The following NDUFAF2 variants were observed in gnomAD, a reference collection of about 807,000 sequenced individuals.
NDUFAF2 encodes the protein NADH dehydrogenase [ubiquinone] 1 alpha subcomplex assembly factor 2.
Under a neutral mutation model 22.8 loss-of-function variants are expected in NDUFAF2, and 13 were observed. The ratio of observed to expected loss-of-function variants is 0.57; its 90% CI spans 0.37 to 0.91. The LOEUF is 0.91. NDUFAF2 is among the 40% of genes least tolerant of loss of function. The probability of loss-of-function intolerance (pLI) is 0.01; values close to 1 mark genes in which losing one functional copy is unlikely to be tolerated. For synonymous variants in NDUFAF2, 53 were observed against 64.2 expected (o/e 0.83, Z 0.84); for missense variants, 162 against 195.2 (o/e 0.83, Z 1.01).
chr5:61,114,889 TCAAA>T (rs1752891908), intron 3 of NDUFAF2: 1 of 152,224 alleles, frequency 6.6e-6, no homozygotes, highest in Non-Finnish European at 1.5e-5. Flanking sequence ...TTACTTTCTC[TCAAA>T]CAGTCTCTCC....
intron 1 of NDUFAF2, among the ~76,000 whole-genome samples, chr5:60,948,333 C>T (rs571948668): frequency 4.6e-5 from 7 of 152,276 alleles, no homozygotes; most frequent in East Asian, 1.9e-4. Context: ...GATTCTCCTG[C>T]GTCAGCCTCC....
chr5:60,984,973 C>T (rs1751051201), intron 1 of NDUFAF2, among the ~76,000 whole-genome samples: 1 of 152,128 alleles, frequency 6.6e-6, no homozygotes, highest in Non-Finnish European at 1.5e-5. Flanking sequence ...GAAATGGTAC[C>T]AGCTCCTCCT....
intron 3 of NDUFAF2, among the ~76,000 whole-genome samples, chr5:61,127,765 T>G (rs984678156): frequency 1.4e-4 from 21 of 152,108 alleles, no homozygotes; most frequent in African/African-American, 4.8e-4. Flanking sequence ...ACCACTCCTA[T>G]TCAACATAGT....
chr5:61,083,357 T>C (rs561638936), intron 2 of NDUFAF2: 1 of 152,302 alleles, frequency 6.6e-6, no homozygotes, highest in Admixed American at 6.5e-5. Flanking sequence ...TTTGTCTATA[T>C]ATGGCTAGCC....
chr5:60,953,530 A>G (rs1369838264), intron 1 of NDUFAF2, among the ~76,000 whole-genome samples: 1 of 152,212 alleles, frequency 6.6e-6, no homozygotes, highest in Admixed American at 6.5e-5. Context: ...TGTAGCATAT[A>G]TGCTTCAGTA....
intron 1 of NDUFAF2, among the ~76,000 whole-genome samples, chr5:61,005,948 A>G (rs1164529040): frequency 4.6e-5 from 7 of 152,176 alleles, no homozygotes; most frequent in Non-Finnish European, 8.8e-5. Context: ...TAGTTTAACT[A>G]GATCCCATTT....
chr5:61,152,861 G>A lies in NDUFAF2; in HGVS notation c.416G>A (p.Gly139Glu). ...GGCCATGCCTCTGCTCCATACTTTGGAAAGGAAGAACCCTCAGTGGCTCCC... is the reference window on the plus strand; with the variant it reads ...GGCCATGCCTCTGCTCCATACTTTGAAAAGGAAGAACCCTCAGTGGCTCCC... ...IKGHASAPYF[G>E]KEEPSVAPSS... Residue 139 changes from glycine to glutamate, a missense_variant, in exon 4 of 4, where the codon GGA becomes GAA. Physicochemically the swap from Gly to Glu is moderately conservative, Grantham distance 98. Around this residue, in one of 2 missense-constraint regions of NDUFAF2, gnomAD observed 68 missense variants for 110.0 expected, o/e 0.62. Coordinates refer to ENST00000296597, the MANE Select transcript of NDUFAF2 (RefSeq NM_174889.5). The A allele has an allele frequency of 6.2e-7, 1 of 1,609,988 alleles. No homozygotes were observed. Among genetic ancestry groups the A allele is most frequent in the Non-Finnish European group, 8.5e-7 (1 of 1,177,818 alleles).
chr5:61,116,943 A>T (rs1209090435), intron 3 of NDUFAF2, among the ~76,000 whole-genome samples: 1 of 152,184 alleles, frequency 6.6e-6, no homozygotes, highest in Admixed American at 6.5e-5. Context: ...GAAATAAACA[A>T]AATTCATTTA....
intron 3 of NDUFAF2, among the ~76,000 whole-genome samples, chr5:61,106,865 A>G (rs1198758133): frequency 2.0e-5 from 3 of 151,106 alleles, no homozygotes; most frequent in Non-Finnish European, 2.9e-5. Flanking sequence ...GCAGGATCTC[A>G]TTCTTCTTTA....
At chr5:61,096,597 CA>C (rs35508356) in intron 2 of NDUFAF2, among the ~76,000 whole-genome samples, 47,500 of 95,236 alleles carry the variant, frequency 0.5, 9,091 homozygotes, top group East Asian at 0.76. Context: ...GACACCATTG[CA>C]AAAAAAAAAA....
intron 1 of NDUFAF2, among the ~76,000 whole-genome samples, chr5:60,995,021 C>T (rs1751211402): frequency 6.6e-6 from 1 of 152,100 alleles, no homozygotes. Flanking sequence ...CATTTTTCAT[C>T]TCCAGAATTT....
chr5:61,131,770 A>T (rs1753114559), intron 3 of NDUFAF2, among the ~76,000 whole-genome samples: 1 of 152,146 alleles, frequency 6.6e-6, no homozygotes, highest in Non-Finnish European at 1.5e-5. Flanking sequence ...AAACATGTAA[A>T]TGGGATACAC....
intron 3 of NDUFAF2, among the ~76,000 whole-genome samples, chr5:61,138,502 C>G (rs147753488): frequency 1.8e-4 from 27 of 152,296 alleles, no homozygotes; most frequent in African/African-American, 6.5e-4. Flanking sequence ...CTCCTCCCCC[C>G]CAGATCGTGC....
At chr5:61,009,629 A>G (rs1222302889) in intron 1 of NDUFAF2, among the ~76,000 whole-genome samples, 2 of 152,058 alleles carry the variant, frequency 1.3e-5, no homozygotes, top group African/African-American at 2.4e-5. Flanking sequence ...TTCTTTTTCT[A>G]TCTCTTTAGT....
chr5:61,151,712 A>C (rs1200235486), intron 3 of NDUFAF2, among the ~76,000 whole-genome samples: 2 of 152,118 alleles, frequency 1.3e-5, no homozygotes, highest in African/African-American at 4.8e-5. Context: ...TGGAAGGTGG[A>C]GATTGCGGTG....
At chr5:61,113,304 TGAA>T (rs1752868685) in intron 3 of NDUFAF2, among the ~76,000 whole-genome samples, 1 of 152,228 alleles carries the variant, frequency 6.6e-6, no homozygotes. Context: ...TCTTTCTGAT[TGAA>T]GAACTCCCTT....
At chr5:60,982,556 C>G (rs1313596011) in intron 1 of NDUFAF2, among the ~76,000 whole-genome samples, 2 of 111,846 alleles carry the variant, frequency 1.8e-5, no homozygotes, top group Admixed American at 1.1e-4. Context: ...CCCCTCCCCC[C>G]ACCCCACATC....
At chr5:61,070,654 T>A (rs1752285815) in intron 1 of NDUFAF2, among the ~76,000 whole-genome samples, 2 of 151,254 alleles carry the variant, frequency 1.3e-5, no homozygotes, top group Admixed American at 6.6e-5. Flanking sequence ...CAAATAGGCA[T>A]AACTTTTGAT....
intron 1 of NDUFAF2, among the ~76,000 whole-genome samples, chr5:60,966,298 A>T (rs1750757897): frequency 1.3e-5 from 2 of 152,048 alleles, no homozygotes; most frequent in South Asian, 4.1e-4. Context: ...CAGTTTGCAG[A>T]TACTTTCTTT....
Sources: gnomAD v4.1 joint callset for allele counts (sites outside exome capture counted in the v4.1 genomes callset) on GRCh38, gnomAD v4.1.1 for gene constraint, gnomAD v4.1.1 regional missense constraint, MANE v1.5 for transcripts, NCBI Gene and HGNC (gene_info 2026-07-23, HGNC 2026-07-21) for gene names.